The following TSHZ2 variants were observed in gnomAD, a reference collection of about 807,000 sequenced individuals.
The protein encoded by TSHZ2 is teashirt zinc finger homeobox 2.
In TSHZ2, 21 loss-of-function variants were observed where a neutral mutation model predicts 74.4. The observed-to-expected ratio is 0.28, with a 90% CI of 0.20 to 0.41. The LOEUF is 0.41. Ranked by LOEUF, TSHZ2 falls within the 10% of genes least tolerant of loss-of-function variation. The probability of loss-of-function intolerance (pLI) is 1.00; values close to 1 mark genes in which losing one functional copy is unlikely to be tolerated. For missense variants in TSHZ2, 1,244 were observed against 1,293.5 expected (o/e 0.96, Z 0.59); for synonymous variants, 540 against 515.3 (o/e 1.05, Z -0.65).
chr20:53,294,473 A>T (rs79843227), intron 2 of TSHZ2, among the ~76,000 whole-genome samples: 3,392 of 147,996 alleles, frequency 0.023, 61 homozygotes, highest in Non-Finnish European at 0.035. Context: ...ACAAGCTTAT[A>T]AAAAAAAAAG....
At chr20:53,331,148 G>A (rs1979706886) in intron 2 of TSHZ2, among the ~76,000 whole-genome samples, 1 of 152,246 alleles carries the variant, frequency 6.6e-6, no homozygotes, top group African/African-American at 2.4e-5. Context: ...TCGGTTACAG[G>A]TGTTTGGGAG....
rs976017902 is a variant in TSHZ2, at chr20:53,494,515, T to A, written c.*7380T>A. 6.6e-6 allele frequency: 1 copy of A among 152,202 alleles called. No individual in the cohort carries two copies. The highest frequency in any genetic ancestry group is 2.4e-5 in the African/African-American group (1 of 41,442). 9.4% of individuals were successfully genotyped at this position (152,202 alleles called of 1,614,324 possible). Reference sequence around the variant, plus strand: ...GTGTGGTGCCGCAGCATTGAAATTATCTGTAGAAGGGGAATTTTTTTTAAA... The same window carrying A: ...GTGTGGTGCCGCAGCATTGAAATTAACTGTAGAAGGGGAATTTTTTTTAAA... On this transcript the variant is annotated 3_prime_UTR_variant, in exon 3 of 3. Transcript: ENST00000371497.
chr20:53,214,492 ACTGGCCAATATCGTGGCCAAGACAAAC>A (rs1413221021), intron 1 of TSHZ2, among the ~76,000 whole-genome samples: 3 of 152,186 alleles, frequency 2.0e-5, no homozygotes, highest in African/African-American at 4.8e-5. Context: ...GATCACTTGA[ACTGGCCAATATCGTGGCCAAGACAAAC>A]CTGGCCAATA....
chr20:53,237,479 C>T (rs1237566554), intron 1 of TSHZ2, among the ~76,000 whole-genome samples: 2 of 144,574 alleles, frequency 1.4e-5, no homozygotes, highest in African/African-American at 5.4e-5. Context: ...ATATGCCCTG[C>T]TCTGTCTCTC....
chr20:53,405,250 A>AAAAAAAAAAAAC (rs1982806372), intron 2 of TSHZ2, among the ~76,000 whole-genome samples: 1 of 151,410 alleles, frequency 6.6e-6, no homozygotes, highest in African/African-American at 2.4e-5. Flanking sequence ...CTCTGTCTCA[A>AAAAAAAAAAAAC]AAAAAAAAAC....
intron 1 of TSHZ2, among the ~76,000 whole-genome samples, chr20:53,237,206 A>G (rs1989960816): frequency 6.6e-6 from 1 of 152,216 alleles, no homozygotes; most frequent in African/African-American, 2.4e-5. Flanking sequence ...GGTTCTTATG[A>G]AGTGCTGTAG....
At chr20:53,391,961 A>G (rs1354262427) in intron 2 of TSHZ2, among the ~76,000 whole-genome samples, 1 of 152,122 alleles carries the variant, frequency 6.6e-6, no homozygotes, top group African/African-American at 2.4e-5. Flanking sequence ...CAAACAAAAA[A>G]AGAATTAGTA....
intron 2 of TSHZ2, among the ~76,000 whole-genome samples, chr20:53,478,668 A>AAAT (rs1555873560): frequency 6.6e-6 from 1 of 150,690 alleles, no homozygotes; most frequent in African/African-American, 2.4e-5. Context: ...AAAAATAAAT[A>AAAT]AAAAATAAAA....
intron 2 of TSHZ2, among the ~76,000 whole-genome samples, chr20:53,285,675 A>C (rs1345728843): frequency 6.6e-6 from 1 of 151,800 alleles, no homozygotes; most frequent in Non-Finnish European, 1.5e-5. Flanking sequence ...GTGCCACTGC[A>C]TTTCAGCCTG....
chr20:53,373,323 G>A (rs541095871), intron 2 of TSHZ2, among the ~76,000 whole-genome samples: 41 of 152,202 alleles, frequency 2.7e-4, no homozygotes, highest in African/African-American at 9.2e-4. Flanking sequence ...AAATATGTTC[G>A]GAAGAATTTT....
chr20:53,244,185 C>T (rs1990144499), intron 1 of TSHZ2, among the ~76,000 whole-genome samples: 1 of 151,364 alleles, frequency 6.6e-6, no homozygotes. Flanking sequence ...TCATTTTGGA[C>T]AATGATTCAC....
Position 53,307,683 on chromosome 20 carries a change from A to G in TSHZ2, c.*8+51112A>G, listed in dbSNP as rs143794501. Among the ~76,000 whole-genome samples the G allele has an allele frequency of 3.9e-3, 596 of 152,252 alleles. 13 individuals carry two copies. Among genetic ancestry groups the G allele is most frequent in the Admixed American group, 0.026 (390 of 15,290 alleles). On this transcript the variant is annotated intron_variant, in intron 2 of 2. Transcript: ENST00000371497. The stretch of plus-strand genomic sequence containing the variant: ...GCAGCCAAGTTCATAAATATTAGTA[A>G]AGTTCAATGGATTTTACATAGGTTC...
chr20:53,478,122 G>A (rs1354392903), intron 2 of TSHZ2, among the ~76,000 whole-genome samples: 1 of 148,520 alleles, frequency 6.7e-6, no homozygotes, highest in East Asian at 2.0e-4. Context: ...CAGGGATCTA[G>A]AACTGGAAAT....
intron 1 of TSHZ2, among the ~76,000 whole-genome samples, chr20:53,195,752 C>T (rs916736819): frequency 2.0e-5 from 3 of 152,152 alleles, no homozygotes; most frequent in East Asian, 1.9e-4. Flanking sequence ...TTAAATGACC[C>T]AGAGCCATGA....
intron 1 of TSHZ2, among the ~76,000 whole-genome samples, chr20:53,031,728 A>G (rs188289120): frequency 2.0e-4 from 31 of 152,330 alleles, no homozygotes; most frequent in Admixed American, 1.7e-3. Flanking sequence ...CTGATATGGT[A>G]TAGATTTTTC....
At chr20:53,195,282 T>TAC (rs752367353) in intron 1 of TSHZ2, among the ~76,000 whole-genome samples, 122 of 152,060 alleles carry the variant, frequency 8.0e-4, no homozygotes, top group African/African-American at 2.6e-3. Flanking sequence ...TATATATATA[T>TAC]ACACACACAC....
intron 1 of TSHZ2, among the ~76,000 whole-genome samples, chr20:53,102,779 C>T (rs1044766028): frequency 2.0e-5 from 3 of 152,014 alleles, no homozygotes; most frequent in African/African-American, 4.8e-5. Flanking sequence ...AGTTGAGCAG[C>T]TCATGTAGTT....
chr20:53,040,176 T>C (rs1012854153), intron 1 of TSHZ2, among the ~76,000 whole-genome samples: 2 of 152,132 alleles, frequency 1.3e-5, no homozygotes, highest in Non-Finnish European at 2.9e-5. Context: ...GGTAAAGCAA[T>C]CAGCCCAGAG....
At chr20:53,427,715 G>T (rs1983703314) in intron 2 of TSHZ2, among the ~76,000 whole-genome samples, 1 of 152,148 alleles carries the variant, frequency 6.6e-6, no homozygotes, top group South Asian at 2.1e-4. Context: ...GCAGTAGAGG[G>T]TCACCTCCCG....
Sources: allele counts gnomAD v4.1 joint callset (sites outside exome capture counted in the v4.1 genomes callset), GRCh38; gene constraint gnomAD v4.1.1; transcripts MANE v1.5; gene names NCBI Gene and HGNC (gene_info 2026-07-23, HGNC 2026-07-21).